The following MAP3K15 variants were observed in gnomAD, a reference collection of about 807,000 sequenced individuals.
The protein encoded by MAP3K15 is mitogen-activated protein kinase kinase kinase 15.
MAP3K15 carries 124 observed loss-of-function variants against 99.5 expected under a neutral mutation model. That is an observed-to-expected ratio of 1.25 (90% CI 1.08 to 1.45). The LOEUF (loss-of-function observed/expected upper bound fraction) is 1.45. Among genes scored for constraint, MAP3K15 ranks in the 40% most tolerant of loss-of-function variants. The pLI is 0.00. For missense variants in MAP3K15, 1,242 were observed against 1,079.7 expected (o/e 1.15, Z -2.11); for synonymous variants, 494 against 439.6 (o/e 1.12, Z -1.55).
chrX:19,412,237 G>A (rs974991568), intron 11 of MAP3K15, among the ~76,000 whole-genome samples: 1 of 111,941 alleles, frequency 8.9e-6, no homozygotes, highest in Non-Finnish European at 1.9e-5. Context: ...TCTTGATTTG[G>A]GAGGAACATT....
chrX:19,493,521 C>T (rs958684934), intron 1 of MAP3K15, among the ~76,000 whole-genome samples: 4 of 111,194 alleles, frequency 3.6e-5, no homozygotes, highest in African/African-American at 1.3e-4. Context: ...TCCTAAAACA[C>T]GAATTTAGCA....
Position 19,415,249 on chromosome X carries a change from C to T in MAP3K15, c.1448G>A (p.Arg483Gln), listed in dbSNP as rs781249134. 77 of 1,165,980 alleles carry T rather than the reference C, an allele frequency of 6.6e-5. 1 individual carries two copies. The Middle Eastern group carries it at 3.5e-3, about 53-fold the overall frequency. The change falls in exon 10 of 29, where the codon CGA becomes CAA. Residue 483 changes from arginine to glutamine, a missense_variant. Arg to Gln is a conservative substitution (Grantham distance 43). Transcript: ENST00000338883. Reference sequence around the variant, plus strand: ...TAGTAACAAGTTCTGAACTAATGATCGCAGGTACCTGGAAAAATCACAAAC... The same window carrying T: ...TAGTAACAAGTTCTGAACTAATGATTGCAGGTACCTGGAAAAATCACAAAC... ...FKLKPPVWYL[R>Q]SLVQNLLLIR...
intron 6 of MAP3K15, among the ~76,000 whole-genome samples, chrX:19,432,959 G>A (rs748108805): frequency 8.9e-6 from 1 of 112,172 alleles, no homozygotes; most frequent in African/African-American, 3.2e-5. Context: ...TGATCCACCC[G>A]CCTTGGCCTC....
At chrX:19,425,004 T>C (rs17313679) in intron 9 of MAP3K15, among the ~76,000 whole-genome samples, 16,266 of 109,930 alleles carry the variant, frequency 0.15, 1,289 homozygotes, top group Middle Eastern at 0.27. Flanking sequence ...GAACCACTGA[T>C]ACAGAAAAAC....
chrX:19,426,365 A>C (rs1025179105), intron 7 of MAP3K15, 22 bp from the exon 8 acceptor site: 2 of 895,398 alleles, frequency 2.2e-6, no homozygotes, highest in African/African-American at 4.1e-5. Flanking sequence ...GAACCACCAA[A>C]GTATTATTAT....
intron 9 of MAP3K15, among the ~76,000 whole-genome samples, chrX:19,420,608 T>G (rs758412915): frequency 0.035 from 3,847 of 111,001 alleles, 66 homozygotes; most frequent in African/African-American, 0.048. Context: ...AGAGGTACAA[T>G]GAGGAGCTGG....
rs746106862 is a variant in MAP3K15, at chrX:19,426,818, C to CAAA, written c.1167-478_1167-476dup. Among the ~76,000 whole-genome samples, 35 of 21,097 alleles carry CAAA rather than the reference C, an allele frequency of 1.7e-3. 2 individuals are homozygous for CAAA. The highest frequency in any genetic ancestry group is 7.8e-3 in the East Asian group (5 of 641). 18.3% of individuals were successfully genotyped at this position (21,097 alleles called of 115,157 possible). Reference sequence around the variant, plus strand: ...GGGTGACAGAGCGAGAATCTGTCTCCAAAAAAAAAAAAAAAAAAAAAAAAA... The same window carrying CAAA: ...GGGTGACAGAGCGAGAATCTGTCTCCAAAAAAAAAAAAAAAAAAAAAAAAAAAA... On this transcript the variant is annotated intron_variant, in intron 7 of 28. Transcript: ENST00000338883.
chrX:19,494,750 T>C (rs908816123), intron 1 of MAP3K15, among the ~76,000 whole-genome samples: 1 of 110,321 alleles, frequency 9.1e-6, no homozygotes, highest in Non-Finnish European at 1.9e-5. Flanking sequence ...AAAGAAATTA[T>C]GAAAGTAAGT....
At chrX:19,486,842 T>C (rs1244040346) in intron 2 of MAP3K15, among the ~76,000 whole-genome samples, 1 of 111,188 alleles carries the variant, frequency 9.0e-6, no homozygotes, top group East Asian at 2.8e-4. Context: ...GGGTGCTGAG[T>C]GCCCTGCATC....
At chrX:19,372,065 C>T (rs1364076911) in intron 22 of MAP3K15, among the ~76,000 whole-genome samples, 2 of 104,732 alleles carry the variant, frequency 1.9e-5, no homozygotes, top group Admixed American at 1.1e-4. Flanking sequence ...ACCTAGGAGG[C>T]GGAGGTTGCA....
intron 5 of MAP3K15, among the ~76,000 whole-genome samples, chrX:19,457,302 G>A (rs916554195): frequency 1.8e-5 from 2 of 112,311 alleles, no homozygotes; most frequent in Admixed American, 1.9e-4. Flanking sequence ...AAACAGCTGA[G>A]TGTAGGAGAG....
intron 18 of MAP3K15, among the ~76,000 whole-genome samples, chrX:19,389,931 G>T (rs756873481): frequency 1.8e-5 from 2 of 112,002 alleles, no homozygotes; most frequent in Non-Finnish European, 3.8e-5. Flanking sequence ...AGATGTATAC[G>T]TATATTTATA....
intron 3 of MAP3K15, among the ~76,000 whole-genome samples, chrX:19,473,166 G>A (rs1458138896): frequency 8.9e-6 from 1 of 112,247 alleles, no homozygotes; most frequent in East Asian, 2.8e-4. Context: ...CAGGAATCCG[G>A]AGACTTTGGG....
intron 7 of MAP3K15, among the ~76,000 whole-genome samples, chrX:19,428,283 T>C (rs779537534): frequency 6.4e-4 from 72 of 111,884 alleles, no homozygotes; most frequent in African/African-American, 2.3e-3. Flanking sequence ...GCCACCACCT[T>C]CTGAAGCCGC....
At chrX:19,432,416 G>A (rs982363563) in intron 6 of MAP3K15, among the ~76,000 whole-genome samples, 1 of 109,332 alleles carries the variant, frequency 9.1e-6, no homozygotes, top group Non-Finnish European at 1.9e-5. Flanking sequence ...TTAGCCAGGT[G>A]TGGTGGCAGG....
At chrX:19,457,875 C>T (rs5955558) in intron 5 of MAP3K15, among the ~76,000 whole-genome samples, 6,216 of 111,493 alleles carry the variant, frequency 0.056, 356 homozygotes, top group African/African-American at 0.17. Flanking sequence ...CACAGCACAC[C>T]ACCCACCTCA....
chrX:19,361,178 G>C, intron 28 of MAP3K15, 161 bp downstream of exon 28: 1 of 449,287 alleles, frequency 2.2e-6, no homozygotes, highest in Non-Finnish European at 3.8e-6. Context: ...TCTGACTTCT[G>C]CCTGGCTTTC....
intron 1 of MAP3K15, among the ~76,000 whole-genome samples, chrX:19,501,868 C>T (rs2064442915): frequency 1.8e-5 from 2 of 111,439 alleles, no homozygotes; most frequent in South Asian, 7.5e-4. Context: ...GAGTTCTAGA[C>T]CAGCCTGGCC....
intron 25 of MAP3K15, among the ~76,000 whole-genome samples, chrX:19,364,916 T>C (rs1437254285): frequency 1.2e-5 from 1 of 83,446 alleles, no homozygotes; most frequent in Non-Finnish European, 2.1e-5. Flanking sequence ...AAAAAAAAAT[T>C]CTTTGGGCTG....
Sources: gnomAD v4.1 joint callset for allele counts (sites outside exome capture counted in the v4.1 genomes callset) on GRCh38, gnomAD v4.1.1 for gene constraint, MANE v1.5 for transcripts, NCBI Gene and HGNC (gene_info 2026-07-23, HGNC 2026-07-21) for gene names.